SAMD12: variants seen among roughly 807,000 people sequenced by gnomAD.
The protein encoded by SAMD12 is sterile alpha motif domain-containing protein 12.
A neutral mutation model predicts 15.0 loss-of-function variants in SAMD12; 9 were observed. That is an observed-to-expected ratio of 0.60 (90% CI 0.36 to 1.05). The LOEUF (loss-of-function observed/expected upper bound fraction) is 1.05. SAMD12 is among the 50% of genes least tolerant of loss of function. The probability of loss-of-function intolerance (pLI) is 0.01; values close to 1 mark genes in which losing one functional copy is unlikely to be tolerated. For synonymous variants in SAMD12, 86 were observed against 90.1 expected (o/e 0.96, Z 0.25); for missense variants, 230 against 234.2 (o/e 0.98, Z 0.12).
chr8:118,606,582 AAAAAG>A (rs1240960252), intron 1 of SAMD12, among the ~76,000 whole-genome samples: 1 of 151,452 alleles, frequency 6.6e-6, no homozygotes, highest in African/African-American at 2.5e-5. Flanking sequence ...AATTTAAAAA[AAAAAG>A]AAAAGAAAAG....
At chr8:118,477,267 T>C (rs925596624) in intron 2 of SAMD12, among the ~76,000 whole-genome samples, 4 of 152,092 alleles carry the variant, frequency 2.6e-5, no homozygotes, top group Admixed American at 2.6e-4. Flanking sequence ...GGTTTTGCCA[T>C]GTTGGCCAGG....
chr8:118,208,258 A>AAAAAT (rs754477282), intron 4 of SAMD12, among the ~76,000 whole-genome samples: 3 of 152,222 alleles, frequency 2.0e-5, no homozygotes, highest in Admixed American at 6.5e-5. Flanking sequence ...ACTCTGTCTC[A>AAAAAT]AAAATAAAAT....
At chr8:118,404,075 G>A (rs1377394238) in intron 3 of SAMD12, among the ~76,000 whole-genome samples, 6 of 152,110 alleles carry the variant, frequency 3.9e-5, no homozygotes, top group Non-Finnish European at 8.8e-5. Flanking sequence ...CTCGACCTGC[G>A]GGGCACAAGC....
At chr8:118,507,215 A>G (rs1824944767) in intron 2 of SAMD12, among the ~76,000 whole-genome samples, 1 of 151,930 alleles carries the variant, frequency 6.6e-6, no homozygotes, top group Non-Finnish European at 1.5e-5. Context: ...CCACCTAGAA[A>G]GTCTCCCCGA....
At chr8:118,445,294 T>C (rs1361078617) in intron 2 of SAMD12, among the ~76,000 whole-genome samples, 2 of 152,330 alleles carry the variant, frequency 1.3e-5, no homozygotes, top group East Asian at 1.9e-4. Context: ...TATGAATTAA[T>C]TAATTTTAAA....
At chr8:118,298,051 C>T (rs7845944) in intron 4 of SAMD12, among the ~76,000 whole-genome samples, 40,196 of 147,556 alleles carry the variant, frequency 0.27, 5,426 homozygotes, top group East Asian at 0.43. Flanking sequence ...CCTTCTTACC[C>T]GACAGGTGGG....
chr8:118,256,800 A>ACAT (rs1305029421), intron 4 of SAMD12, among the ~76,000 whole-genome samples: 1 of 151,354 alleles, frequency 6.6e-6, no homozygotes. Context: ...ACACACACAC[A>ACAT]CACACACACA....
intron 4 of SAMD12, among the ~76,000 whole-genome samples, chr8:118,294,065 G>A (rs1177944723): frequency 1.3e-5 from 2 of 152,220 alleles, no homozygotes; most frequent in Non-Finnish European, 2.9e-5. Flanking sequence ...GCTCCCCAGT[G>A]TGATGGCAGC....
chr8:118,159,789 C>A, the SAMD12 span, among the ~76,000 whole-genome samples: 3 of 149,556 alleles, frequency 2.0e-5, no homozygotes, highest in South Asian at 6.3e-4. Context: ...GATCTCAGCT[C>A]ACTGCAACCT....
intron 4 of SAMD12, among the ~76,000 whole-genome samples, chr8:118,346,947 A>C (rs1817693679): frequency 6.6e-6 from 1 of 152,198 alleles, no homozygotes; most frequent in Non-Finnish European, 1.5e-5. Context: ...TCTGCTGCTC[A>C]GGCTAGAGTA....
rs536328207 is a variant in SAMD12, at chr8:118,397,500, T to G, written c.323-17800A>C. ...GCACAGAAACCCCAAGTCTACAGAT[T>G]GTGGAACAGTGAAGAGTCTAGCGTG... On this transcript the variant is annotated intron_variant, in intron 3 of 3. Transcript: ENST00000314727. 1.1e-3 allele frequency among the ~76,000 whole-genome samples: 160 copies of G among 152,294 alleles called. 1 individual carries two copies. The highest frequency in any genetic ancestry group is 1.5e-3 in the East Asian group (8 of 5,186).
At chr8:118,286,522 A>G (rs924336381) in intron 4 of SAMD12, among the ~76,000 whole-genome samples, 2 of 151,644 alleles carry the variant, frequency 1.3e-5, no homozygotes, top group Non-Finnish European at 2.9e-5. Flanking sequence ...AAAGGCTAAC[A>G]CTACCACTCC....
At chr8:118,551,186 T>G (rs1429233640) in intron 2 of SAMD12, among the ~76,000 whole-genome samples, 6 of 152,170 alleles carry the variant, frequency 3.9e-5, no homozygotes, top group South Asian at 4.1e-4. Context: ...CTAATAGACA[T>G]CTACAGAACT....
chr8:118,176,581 T>C, the SAMD12 span, among the ~76,000 whole-genome samples: 1 of 152,156 alleles, frequency 6.6e-6, no homozygotes, highest in African/African-American at 2.4e-5. Flanking sequence ...CCAAATACTG[T>C]ATGTTCTCAC....
At chr8:118,288,786 G>A (rs1396489988) in intron 4 of SAMD12, among the ~76,000 whole-genome samples, 1 of 152,168 alleles carries the variant, frequency 6.6e-6, no homozygotes, top group East Asian at 1.9e-4. Flanking sequence ...TTTGATGGAA[G>A]TTGAACCAAT....
chr8:118,383,874 T>A (rs1470050075), intron 3 of SAMD12, among the ~76,000 whole-genome samples: 1 of 152,126 alleles, frequency 6.6e-6, no homozygotes. Flanking sequence ...ATAAGTAGTG[T>A]CTTCTGCCTG....
At chr8:118,459,112 C>A (rs2130933032) in intron 2 of SAMD12, among the ~76,000 whole-genome samples, 1 of 152,016 alleles carries the variant, frequency 6.6e-6, no homozygotes, top group South Asian at 2.1e-4. Context: ...GTTGCCCAGG[C>A]TGGAGTTCAG....
At chr8:118,532,681 C>T (rs1158101533) in intron 2 of SAMD12, among the ~76,000 whole-genome samples, 1 of 152,104 alleles carries the variant, frequency 6.6e-6, no homozygotes, top group Admixed American at 6.6e-5. Context: ...GTGTATGTGT[C>T]CAGGAATTTA....
At chr8:118,459,072 G>T (rs1181688644) in intron 2 of SAMD12, among the ~76,000 whole-genome samples, 2 of 149,730 alleles carry the variant, frequency 1.3e-5, no homozygotes, top group Non-Finnish European at 3.0e-5. Context: ...TCAAACAATT[G>T]TTTTTTTTTT....
Sources: allele counts gnomAD v4.1 joint callset (sites outside exome capture counted in the v4.1 genomes callset), GRCh38; gene constraint gnomAD v4.1.1; transcripts MANE v1.5; gene names NCBI Gene and HGNC (gene_info 2026-07-23, HGNC 2026-07-21).